Variants in KIAA0513 observed in about 807,000 individuals in gnomAD.
KIAA0513 encodes KIAA0513.
Under a neutral mutation model 56.5 loss-of-function variants are expected in KIAA0513, and 39 were observed. The ratio of observed to expected loss-of-function variants is 0.69; its 90% CI spans 0.53 to 0.90. The LOEUF is 0.90. KIAA0513 is among the 40% of genes least tolerant of loss of function. The pLI is 0.00. For missense variants in KIAA0513, 591 were observed against 535.2 expected (o/e 1.10, Z -1.03); for synonymous variants, 268 against 215.6 (o/e 1.24, Z -2.13).
At chr16:85,043,596 A>C (rs2073132200) in intron 1 of KIAA0513, among the ~76,000 whole-genome samples, 1 of 151,752 alleles carries the variant, frequency 6.6e-6, no homozygotes, top group Non-Finnish European at 1.5e-5. Context: ...TATTCTTAGC[A>C]GGGATGAGAT....
At chr16:85,074,175 A>G (rs1490974943) in intron 4 of KIAA0513, among the ~76,000 whole-genome samples, 3 of 151,962 alleles carry the variant, frequency 2.0e-5, no homozygotes, top group Admixed American at 2.0e-4. Flanking sequence ...GGGTTTCACC[A>G]TGTCGGCCAG....
chr16:85,053,340 C>T (rs951425198), intron 1 of KIAA0513, among the ~76,000 whole-genome samples: 9 of 152,190 alleles, frequency 5.9e-5, no homozygotes, highest in Non-Finnish European at 1.2e-4. Flanking sequence ...TCTTTTAGAC[C>T]CAGCGCATTG....
chr16:85,059,386 C>A (rs1186747661), intron 1 of KIAA0513, among the ~76,000 whole-genome samples: 1 of 152,224 alleles, frequency 6.6e-6, no homozygotes, highest in Non-Finnish European at 1.5e-5. Context: ...ACATTCTCAG[C>A]CCCTTGAGCT....
intron 2 of KIAA0513, among the ~76,000 whole-genome samples, chr16:85,069,191 C>A (rs2073535126): frequency 6.6e-6 from 1 of 151,626 alleles, no homozygotes; most frequent in Non-Finnish European, 1.5e-5. Flanking sequence ...CCACCATGCC[C>A]AGCTCATTTT....
Position 85,078,458 on chromosome 16 carries a change from G to A in KIAA0513, c.823+3G>A, listed in dbSNP as rs1203886201. On this transcript the variant is annotated splice_donor_region_variant and intron_variant, in intron 7 of 12. Transcript: ENST00000683363. ...CCAGGAGAAGCGGCCCAGGGCTGGT[G>A]AGTCTGCCCAGGCAGCAGCAGGAGA... 1 of 1,613,456 alleles carries A rather than the reference G, an allele frequency of 6.2e-7. No individual in the cohort carries two copies. The highest frequency in any genetic ancestry group is 1.7e-5 in the Admixed American group (1 of 60,022).
chr16:85,038,095 G>A (rs2073058126), intron 1 of KIAA0513, among the ~76,000 whole-genome samples: 1 of 152,194 alleles, frequency 6.6e-6, no homozygotes, highest in African/African-American at 2.4e-5. Context: ...GCTTCCATGG[G>A]CTGGTCCCTG....
At chr16:85,080,649 C>G (rs1442661806) in intron 8 of KIAA0513, among the ~76,000 whole-genome samples, 1 of 152,072 alleles carries the variant, frequency 6.6e-6, no homozygotes, top group East Asian at 1.9e-4. Flanking sequence ...ACAAAATAAG[C>G]TGGGTGTGGT....
intron 1 of KIAA0513, among the ~76,000 whole-genome samples, chr16:85,055,783 G>A (rs147623438): frequency 3.3e-5 from 5 of 152,124 alleles, no homozygotes; most frequent in African/African-American, 9.7e-5. Context: ...TGGTTTTTTC[G>A]GAGATGAGAA....
intron 1 of KIAA0513, among the ~76,000 whole-genome samples, chr16:85,040,427 G>A (rs1232743468): frequency 2.0e-5 from 3 of 152,152 alleles, no homozygotes; most frequent in Admixed American, 6.5e-5. Context: ...CTACTCGGGA[G>A]GCTGAGGTAG....
chr16:85,065,320 C>T (rs56068998), intron 1 of KIAA0513, among the ~76,000 whole-genome samples: 18 of 152,312 alleles, frequency 1.2e-4, no homozygotes, highest in Non-Finnish European at 2.2e-4. Flanking sequence ...AGACCCCGAC[C>T]GGCCACTCCT....
intron 1 of KIAA0513, among the ~76,000 whole-genome samples, chr16:85,040,248 T>G (rs2073087846): frequency 6.6e-6 from 1 of 152,214 alleles, no homozygotes; most frequent in Non-Finnish European, 1.5e-5. Flanking sequence ...TTGTGACAAC[T>G]CGGGGGTGCT....
intron 1 of KIAA0513, among the ~76,000 whole-genome samples, chr16:85,044,521 T>A (rs1172139748): frequency 6.6e-6 from 1 of 151,638 alleles, no homozygotes; most frequent in African/African-American, 2.4e-5. Context: ...TTTTTTTTTT[T>A]TTTTGAGACA....
chr16:85,071,197 C>A (rs544435849), intron 2 of KIAA0513, among the ~76,000 whole-genome samples: 6 of 152,304 alleles, frequency 3.9e-5, no homozygotes, highest in Admixed American at 3.3e-4. Flanking sequence ...TCCCCGGTCT[C>A]CATCCCTCTC....
rs55799725 is a variant in KIAA0513 at position 85,081,798 on chromosome 16, G to A, written c.980+406G>A. Among the ~76,000 whole-genome samples the A allele has an allele frequency of 0.012, 1,783 of 152,300 alleles. 41 individuals are homozygous for A. Among genetic ancestry groups the A allele is most frequent in the African/African-American group, 0.041 (1,703 of 41,556 alleles). On this transcript the variant is annotated intron_variant, in intron 9 of 12. Coordinates refer to ENST00000683363, the MANE Select transcript of KIAA0513 (RefSeq NM_001388359.1). This position sits in a 1 kb window ranked among gnomAD's most constrained non-coding sequence, Gnocchi z 4.4. ...AGACTGCCCTCGAGAGCTGGCGCCT[G>A]GGGAATGCAGTTGCCGCTCGCAACT... is the stretch of plus-strand genomic sequence containing the variant.
intron 1 of KIAA0513, among the ~76,000 whole-genome samples, chr16:85,049,548 T>C (rs28436679): frequency 0.4 from 60,771 of 151,782 alleles, 13,556 homozygotes; most frequent in African/African-American, 0.61. Context: ...GTCCTCGAGA[T>C]AGCGAGTTCT....
chr16:85,044,785 C>T (rs964135954), intron 1 of KIAA0513, among the ~76,000 whole-genome samples: 9 of 151,896 alleles, frequency 5.9e-5, no homozygotes. Flanking sequence ...GGATTACAGG[C>T]ATGAGCCACT....
chr16:85,048,530 CT>C (rs34345119), intron 1 of KIAA0513, among the ~76,000 whole-genome samples: 60,355 of 151,816 alleles, frequency 0.4, 13,341 homozygotes, highest in African/African-American at 0.59. Context: ...CCTCTCCCCC[CT>C]TTTTTTCTCA....
intron 1 of KIAA0513, among the ~76,000 whole-genome samples, chr16:85,030,935 C>T (rs1010452576): frequency 2.0e-5 from 3 of 152,038 alleles, no homozygotes; most frequent in Non-Finnish European, 2.9e-5. Context: ...CCCCAGCACA[C>T]GAACAGAAGT....
chr16:85,085,558 C>T (rs2073798602), intron 10 of KIAA0513, among the ~76,000 whole-genome samples: 1 of 152,222 alleles, frequency 6.6e-6, no homozygotes, highest in Non-Finnish European at 1.5e-5. Context: ...TTAGTGTCTC[C>T]ACATTCGCAG....
Sources: gnomAD v4.1 joint callset for allele counts (sites outside exome capture counted in the v4.1 genomes callset) on GRCh38, gnomAD v4.1.1 for gene constraint, Gnocchi (gnomAD v3.1) non-coding constraint, MANE v1.5 for transcripts, NCBI Gene and HGNC (gene_info 2026-07-23, HGNC 2026-07-21) for gene names.